TLE4: variants seen among roughly 807,000 people sequenced by gnomAD.
The protein encoded by TLE4 is transducin-like enhancer protein 4.
TLE4 carries 8 observed loss-of-function variants against 92.8 expected under a neutral mutation model. The ratio of observed to expected loss-of-function variants is 0.09; its 90% CI spans 0.05 to 0.16. The LOEUF (loss-of-function observed/expected upper bound fraction) is 0.16. TLE4 is among the 10% of genes least tolerant of loss of function. The probability of loss-of-function intolerance (pLI) is 1.00; values close to 1 mark genes in which losing one functional copy is unlikely to be tolerated. For synonymous variants in TLE4, 371 were observed against 374.1 expected, an observed-to-expected ratio of 0.99 and a Z score of 0.10; for missense variants, 675 against 997.6, an observed-to-expected ratio of 0.68 and a Z score of 4.36.
At chr9:79,710,803 T>C (rs2073082450) in intron 14 of TLE4, among the ~76,000 whole-genome samples, 1 of 152,176 alleles carries the variant, frequency 6.6e-6, no homozygotes, top group Non-Finnish European at 1.5e-5. Flanking sequence ...ATTATCTGCC[T>C]CTCCCTCTTG....
chr9:79,573,249 C>T (rs865857744), intron 1 of TLE4: 6 of 1,017,048 alleles, frequency 5.9e-6, no homozygotes, highest in Non-Finnish European at 7.0e-6. Flanking sequence ...CGCCGCGGGC[C>T]GCCGGGGCGA....
chr9:79,615,654 A>G (rs1043304298), intron 5 of TLE4, among the ~76,000 whole-genome samples: 2 of 152,192 alleles, frequency 1.3e-5, no homozygotes, highest in East Asian at 1.9e-4. Flanking sequence ...AAAAAACTAT[A>G]TAGTACTGAA....
intron 5 of TLE4, among the ~76,000 whole-genome samples, chr9:79,614,038 C>T (rs1399205042): frequency 6.6e-6 from 1 of 152,086 alleles, no homozygotes; most frequent in Non-Finnish European, 1.5e-5. Flanking sequence ...TTGCTTATGG[C>T]TAGATTAGAT....
intron 4 of TLE4, among the ~76,000 whole-genome samples, chr9:79,579,165 G>A (rs1468232885): frequency 6.6e-6 from 1 of 152,062 alleles, no homozygotes; most frequent in Non-Finnish European, 1.5e-5. Context: ...TTTTTGTTTT[G>A]TATGAGACAG....
At chr9:79,599,341 A>G (rs895002894) in intron 4 of TLE4, among the ~76,000 whole-genome samples, 1 of 152,140 alleles carries the variant, frequency 6.6e-6, no homozygotes, top group Non-Finnish European at 1.5e-5. Context: ...TCCTGCCTGC[A>G]CATTAGATTC....
chr9:79,600,738 A>G (rs1426930820), intron 4 of TLE4, among the ~76,000 whole-genome samples: 2 of 152,148 alleles, frequency 1.3e-5, no homozygotes. Context: ...AGCTGTGCCC[A>G]TGGCTCCCCA....
At chr9:79,708,455 C>A in intron 12 of TLE4, 138 bp from the exon 13 acceptor site, 1 of 1,118,914 alleles carries the variant, frequency 8.9e-7, no homozygotes, top group Non-Finnish European at 1.3e-6. Flanking sequence ...TGAGTGAATT[C>A]TGAAGGCTTG....
intron 5 of TLE4, among the ~76,000 whole-genome samples, chr9:79,626,833 C>G (rs754785302): frequency 6.6e-6 from 1 of 152,060 alleles, no homozygotes; most frequent in Admixed American, 6.6e-5. Flanking sequence ...TCTTTTTAAT[C>G]CCTATCTCAT....
intron 8 of TLE4, among the ~76,000 whole-genome samples, chr9:79,688,042 A>G (rs574915907): frequency 6.6e-6 from 1 of 151,712 alleles, no homozygotes; most frequent in Non-Finnish European, 1.5e-5. Flanking sequence ...TCCCACCTAA[A>G]GATGAGAACT....
At chr9:79,666,200 T>G (rs867414521) in intron 8 of TLE4, among the ~76,000 whole-genome samples, 10 of 123,520 alleles carry the variant, frequency 8.1e-5, no homozygotes, top group African/African-American at 2.1e-4. Flanking sequence ...TGTGTGTGGG[T>G]GGGGTTTTTT....
chr9:79,708,127 T>G lies in TLE4; in HGVS notation c.946T>G (p.Ser316Ala), dbSNP rs1565096674. The G allele has an allele frequency of 6.2e-7, 1 of 1,613,978 alleles. No homozygotes were observed. Among genetic ancestry groups the G allele is most frequent in the Non-Finnish European group, 8.5e-7 (1 of 1,179,958 alleles). ...KSKELSLNEK[S>A]TTPVSKSNTP... ...CATTTCATCTTGTTAGAATGAAAAA[T>G]CTACTACTCCCGTCTCAAAGTCCAA... Residue 316 changes from serine to alanine, a missense_variant, in exon 12 of 20, where the codon TCT becomes GCT. By Grantham distance (99) the Ser-to-Ala change is moderately conservative. Around this residue, in one of 5 missense-constraint regions of TLE4, gnomAD observed 280 missense variants for 287.3 expected, o/e 0.97. Coordinates refer to ENST00000376552, the MANE Select transcript of TLE4 (RefSeq NM_007005.6).
At chr9:79,612,623 C>G in intron 4 of TLE4, 33 bp from the exon 5 acceptor site, 1 of 1,594,130 alleles carries the variant, frequency 6.3e-7, no homozygotes, top group Non-Finnish European at 8.6e-7. Context: ...TGACTGTTCT[C>G]TTTATTGCTT....
At chr9:79,671,447 A>G (rs1413622848) in intron 8 of TLE4, 1 of 334,400 alleles carries the variant, frequency 3.0e-6, no homozygotes, top group African/African-American at 2.1e-5. Context: ...GTGTCAGATT[A>G]TCTGTAAAAT....
At chr9:79,627,641 T>C in intron 6 of TLE4, 193 bp downstream of exon 6, 1 of 605,994 alleles carries the variant, frequency 1.7e-6, no homozygotes, top group South Asian at 2.0e-5. Flanking sequence ...TTCTCACCAA[T>C]TTAAGTGGAT....
At chr9:79,643,254 A>G (rs1339316714) in intron 6 of TLE4, among the ~76,000 whole-genome samples, 3 of 152,208 alleles carry the variant, frequency 2.0e-5, no homozygotes, top group Non-Finnish European at 2.9e-5. Context: ...ATACATGTGC[A>G]CTTTTTGGAA....
At chr9:79,707,706 A>G (rs1233462718) in intron 11 of TLE4, among the ~76,000 whole-genome samples, 1 of 152,116 alleles carries the variant, frequency 6.6e-6, no homozygotes, top group Non-Finnish European at 1.5e-5. Context: ...CTCTATGACA[A>G]TTCAAGCTTG....
At chr9:79,660,525 A>G (rs1458569158) in intron 8 of TLE4, among the ~76,000 whole-genome samples, 1 of 152,248 alleles carries the variant, frequency 6.6e-6, no homozygotes, top group Non-Finnish European at 1.5e-5. Context: ...ATTTGAAATT[A>G]AGTGTTTTAG....
chr9:79,670,272 GAA>G (rs375032228), intron 8 of TLE4, among the ~76,000 whole-genome samples: 5 of 151,868 alleles, frequency 3.3e-5, no homozygotes, highest in African/African-American at 1.2e-4. Context: ...CCAGAAGAAA[GAA>G]AGAGACTACA....
chr9:79,701,166 G>A (rs1421481343), intron 8 of TLE4, among the ~76,000 whole-genome samples: 1 of 152,200 alleles, frequency 6.6e-6, no homozygotes, highest in African/African-American at 2.4e-5. Flanking sequence ...TCTGTGCCAA[G>A]TCCAATTTGA....
Sources: allele counts gnomAD v4.1 joint callset (sites outside exome capture counted in the v4.1 genomes callset), GRCh38; gene constraint gnomAD v4.1.1; regional missense constraint gnomAD v4.1.1; transcripts MANE v1.5; gene names NCBI Gene and HGNC (gene_info 2026-07-23, HGNC 2026-07-21).